Variants in RB1CC1 observed in about 807,000 individuals in gnomAD.
RB1CC1 encodes RB1-inducible coiled-coil protein 1.
Under a neutral mutation model 177.5 loss-of-function variants are expected in RB1CC1, and 46 were observed. That is an observed-to-expected ratio of 0.26 (90% confidence interval 0.20 to 0.33). The LOEUF (loss-of-function observed/expected upper bound fraction) is 0.33. Ranked by LOEUF, RB1CC1 falls within the 10% of genes least tolerant of loss-of-function variation. The pLI, the probability that RB1CC1 is intolerant of heterozygous loss-of-function variation, is 1.00. For synonymous variants in RB1CC1, 666 were observed against 613.6 expected (o/e 1.09, Z -1.26); for missense variants, 1,703 against 1,816.3 (o/e 0.94, Z 1.13).
At chr8:52,670,123 G>C (rs1218810989) in intron 7 of RB1CC1, among the ~76,000 whole-genome samples, 1 of 152,024 alleles carries the variant, frequency 6.6e-6, no homozygotes. Flanking sequence ...GTAGACATGG[G>C]TATCGCCCTG....
intron 15 of RB1CC1, among the ~76,000 whole-genome samples, chr8:52,648,676 C>A (rs1850277467): frequency 6.6e-6 from 1 of 152,152 alleles, no homozygotes; most frequent in Non-Finnish European, 1.5e-5. Context: ...AATATATGCA[C>A]TGTGGTCCTA....
chr8:52,660,986 C>T lies in RB1CC1; in HGVS notation c.1567G>A (p.Asp523Asn). 1 of 1,613,478 alleles carries T rather than the reference C, an allele frequency of 6.2e-7. No individual in the cohort carries two copies. Among genetic ancestry groups the T allele is most frequent in the Non-Finnish European group, 8.5e-7 (1 of 1,179,710 alleles). ...YREWAGALVK[D>N]GKRLYEAEKS... The stretch of plus-strand genomic sequence containing the variant: ...TCTGCTTCATATAATCTCTTTCCAT[C>T]TTTGACTAAAGCACCAGCCCACTAG... Residue 523 changes from aspartate to asparagine, a missense_variant, in exon 11 of 24, where the codon GAT becomes AAT. By Grantham distance (23) the Asp-to-Asn change is conservative. Around this residue, in one of 6 missense-constraint regions of RB1CC1, gnomAD observed 1,169 missense variants for 1,184.7 expected, o/e 0.99. Transcript: ENST00000025008.
At chr8:52,632,912 G>A (rs531110988) in intron 20 of RB1CC1, among the ~76,000 whole-genome samples, 100 of 152,112 alleles carry the variant, frequency 6.6e-4, no homozygotes, top group African/African-American at 2.3e-3. Context: ...TTGCTTTCTC[G>A]GCCCCACTGC....
Position 52,636,685 on chromosome 8 carries a change from A to T in RB1CC1, c.4338-616T>A, listed in dbSNP as rs74903666. 6.3e-3 allele frequency among the ~76,000 whole-genome samples: 954 copies of T among 152,260 alleles called. 11 individuals are homozygous for T. Among genetic ancestry groups the T allele is most frequent in the African/African-American group, 0.022 (926 of 41,542 alleles). On this transcript the variant is annotated intron_variant, in intron 18 of 23. Coordinates refer to ENST00000025008, the MANE Select transcript of RB1CC1 (RefSeq NM_014781.5). ...GACGCTTTGCCTAATATAAGGTCAT[A>T]AAGATTGACTTCTGTAAGAGTTTTA...
intron 1 of RB1CC1, among the ~76,000 whole-genome samples, chr8:52,710,908 GAATT>G (rs1418673300): frequency 2.0e-5 from 3 of 152,054 alleles, no homozygotes; most frequent in Non-Finnish European, 4.4e-5. Flanking sequence ...ATATGGTATT[GAATT>G]AATATTTCAA....
At chr8:52,703,897 A>G (rs1353726943) in intron 1 of RB1CC1, among the ~76,000 whole-genome samples, 3 of 152,238 alleles carry the variant, frequency 2.0e-5, no homozygotes, top group Admixed American at 6.5e-5. Flanking sequence ...CTGAAATCAG[A>G]AAGTTGCTCA....
chr8:52,637,717 T>C (rs990292040), intron 18 of RB1CC1, among the ~76,000 whole-genome samples: 3 of 151,840 alleles, frequency 2.0e-5, no homozygotes, highest in African/African-American at 7.3e-5. Context: ...TCTTGTTCTG[T>C]CACCCAGGAT....
chr8:52,660,037 G>C (rs1007508075), intron 12 of RB1CC1, among the ~76,000 whole-genome samples: 1 of 152,092 alleles, frequency 6.6e-6, no homozygotes, highest in African/African-American at 2.4e-5. Flanking sequence ...ATCTGATGGG[G>C]GTAAAAGCCC....
intron 1 of RB1CC1, among the ~76,000 whole-genome samples, chr8:52,702,880 C>T (rs1245472163): frequency 1.3e-5 from 2 of 151,858 alleles, no homozygotes; most frequent in African/African-American, 4.8e-5. Flanking sequence ...TAAATATTCC[C>T]AAAATGTTCT....
In RB1CC1 at chr8:52,697,175, G is replaced by A. The variant is rs137902156; in HGVS notation, c.-166-10208C>T. 1.1e-3 allele frequency among the ~76,000 whole-genome samples: 171 copies of A among 151,788 alleles called. 3 individuals are homozygous for A. Among genetic ancestry groups the A allele is most frequent in the African/African-American group, 3.8e-3 (156 of 41,386 alleles). ...TAATCAAGCAACTATATGTACCTAC[G>A]GTTTCCAGTTTCTAGGAAATATGGA... On this transcript the variant is annotated intron_variant, in intron 1 of 23. Coordinates refer to ENST00000025008, the MANE Select transcript of RB1CC1 (RefSeq NM_014781.5).
intron 1 of RB1CC1, among the ~76,000 whole-genome samples, chr8:52,706,057 G>A (rs982982796): frequency 6.6e-6 from 1 of 151,536 alleles, no homozygotes; most frequent in African/African-American, 2.4e-5. Context: ...TTTTAACACT[G>A]GCTATCTCTG....
intron 6 of RB1CC1, among the ~76,000 whole-genome samples, 186 bp from the exon 7 acceptor site, chr8:52,674,460 C>A (rs1372474380): frequency 6.6e-6 from 1 of 152,234 alleles, no homozygotes. Flanking sequence ...GAGAGGCTAT[C>A]GTTAACCCAT....
intron 1 of RB1CC1, among the ~76,000 whole-genome samples, chr8:52,695,441 C>T (rs945744002): frequency 6.6e-6 from 1 of 152,192 alleles, no homozygotes; most frequent in African/African-American, 2.4e-5. Flanking sequence ...ACAGATAGAA[C>T]TGTGTTTGTT....
intron 18 of RB1CC1, among the ~76,000 whole-genome samples, chr8:52,641,123 C>A (rs1483187370): frequency 6.6e-6 from 1 of 151,952 alleles, no homozygotes; most frequent in Non-Finnish European, 1.5e-5. Flanking sequence ...ATGACTCACA[C>A]CTGTAATCCC....
chr8:52,675,566 T>C (rs1472990361), intron 6 of RB1CC1, among the ~76,000 whole-genome samples: 2 of 152,050 alleles, frequency 1.3e-5, no homozygotes, highest in African/African-American at 4.8e-5. Flanking sequence ...GCCATCTTAA[T>C]GAGCATTGAA....
intron 5 of RB1CC1, among the ~76,000 whole-genome samples, chr8:52,680,987 TGTGTG>T (rs1563431934): frequency 2.4e-5 from 3 of 125,006 alleles, no homozygotes; most frequent in African/African-American, 1.1e-4. Context: ...TGTGTGTGTG[TGTGTG>T]TGTTTTTTTT....
At chr8:52,685,271 T>C in intron 3 of RB1CC1, 128 bp downstream of exon 3, 1 of 642,148 alleles carries the variant, frequency 1.6e-6, no homozygotes, top group East Asian at 3.1e-5. Context: ...CCCAAAGTGC[T>C]GGGATTACAG....
intron 16 of RB1CC1, among the ~76,000 whole-genome samples, chr8:52,645,464 C>T (rs1479470559): frequency 6.6e-6 from 1 of 152,004 alleles, no homozygotes; most frequent in Non-Finnish European, 1.5e-5. Flanking sequence ...TTTTGAAGCA[C>T]CTGGTATTGT....
At chr8:52,696,996 G>A (rs778751959) in intron 1 of RB1CC1, among the ~76,000 whole-genome samples, 2 of 151,798 alleles carry the variant, frequency 1.3e-5, no homozygotes, top group African/African-American at 2.4e-5. Flanking sequence ...GAGAGAGACC[G>A]TCTCAAAACA....
Sources: allele counts gnomAD v4.1 joint callset (sites outside exome capture counted in the v4.1 genomes callset), GRCh38; gene constraint gnomAD v4.1.1; regional missense constraint gnomAD v4.1.1; transcripts MANE v1.5; gene names NCBI Gene and HGNC (gene_info 2026-07-23, HGNC 2026-07-21).